ABCC6: variants seen among roughly 807,000 people sequenced by gnomAD.
ABCC6 encodes the protein ATP-binding cassette sub-family C member 6.
A neutral mutation model predicts 169.5 loss-of-function variants in ABCC6; 126 were observed. That is an observed-to-expected ratio of 0.74 (90% CI 0.64 to 0.86). The LOEUF (loss-of-function observed/expected upper bound fraction) is 0.86. Ranked by LOEUF, ABCC6 falls within the 40% of genes least tolerant of loss-of-function variation. ABCC6 has a pLI of 0.00. For synonymous variants in ABCC6, 752 were observed against 814.7 expected (o/e 0.92, Z 1.31); for missense variants, 1,733 against 1,927.2 (o/e 0.90, Z 1.89).
Position 16,187,110 on chromosome 16 carries a change from G to T in ABCC6, c.1867+14C>A. 6.2e-7 allele frequency: 1 copy of T among 1,603,708 alleles called. No homozygotes were observed. Among genetic ancestry groups the T allele is most frequent in the Middle Eastern group, 1.7e-4 (1 of 5,896 alleles). On this transcript the variant is annotated intron_variant, in intron 14 of 30. Coordinates refer to ENST00000205557, the MANE Select transcript of ABCC6 (RefSeq NM_001171.6). ...CATCCCTCCCACACCCCTCCTGCCA[G>T]ACTCAGCACTCACCGCTTCCAGAGG... is the stretch of plus-strand genomic sequence containing the variant.
intron 10 of ABCC6, among the ~76,000 whole-genome samples, chr16:16,194,830 A>G (rs7187235): frequency 0.18 from 27,201 of 151,796 alleles, 4,093 homozygotes; most frequent in East Asian, 0.57. Flanking sequence ...GATTACAGGC[A>G]TGTGTCACTC....
chr16:16,165,585 C>G (rs749729362), intron 23 of ABCC6, 38 bp downstream of exon 23: 11 of 1,611,592 alleles, frequency 6.8e-6, no homozygotes, highest in Non-Finnish European at 9.3e-6. Flanking sequence ...CTGAGTTGAC[C>G]TCAGCCGGTC....
chr16:16,202,731 A>C (rs938395201), intron 8 of ABCC6, among the ~76,000 whole-genome samples: 6 of 152,168 alleles, frequency 3.9e-5, no homozygotes, highest in Non-Finnish European at 8.8e-5. Flanking sequence ...TCGAACTTCC[A>C]GCTTTGAGAA....
intron 18 of ABCC6, 105 bp downstream of exon 18, chr16:16,178,693 G>A: frequency 7.7e-7 from 1 of 1,302,158 alleles, no homozygotes; most frequent in Non-Finnish European, 1.1e-6. Context: ...GAGGAAATTG[G>A]ACTCAAGTGG....
chr16:16,198,868 C>A (rs1052964349), intron 9 of ABCC6, among the ~76,000 whole-genome samples: 8 of 152,038 alleles, frequency 5.3e-5, no homozygotes, highest in Admixed American at 2.6e-4. Context: ...GTGGCAGGCA[C>A]CTGTAATCCC....
At chr16:16,222,549 A>ATT (rs780727081) in intron 1 of ABCC6, among the ~76,000 whole-genome samples, 1 of 146,012 alleles carries the variant, frequency 6.8e-6, no homozygotes, top group African/African-American at 2.5e-5. Context: ...GGCCTGGCTA[A>ATT]TTTTTTTTTT....
At position 16,157,736 on chromosome 16, in the gene ABCC6, A is replaced by G. The variant is rs1308111688; in HGVS notation, c.3809T>C (p.Phe1270Ser). The change falls in exon 27 of 31, where the codon TTT becomes TCT. Residue 1270 changes from phenylalanine to serine, a missense_variant. Phe to Ser is a radical substitution (Grantham distance 155). Around this residue, in one of 5 missense-constraint regions of ABCC6, gnomAD observed 1,601 missense variants for 1,635.5 expected, o/e 0.98. Coordinates refer to ENST00000205557, the MANE Select transcript of ABCC6 (RefSeq NM_001171.6). ...PQGGQIEFRD[F>S]GLRYRPELPL... The stretch of plus-strand genomic sequence containing the variant: ...GAGCTCAGGTCGGTATCTTAGCCCA[A>G]AGTCCCGGAACTCGATCTGCCCGCC... 3 of 1,613,806 alleles carry G rather than the reference A, an allele frequency of 1.9e-6. No homozygotes were observed.
intron 18 of ABCC6, among the ~76,000 whole-genome samples, chr16:16,178,484 A>T (rs1263117665): frequency 6.6e-6 from 1 of 151,970 alleles, no homozygotes; most frequent in Non-Finnish European, 1.5e-5. Context: ...CCAAATAGAG[A>T]AACAGAGGGG....
In ABCC6 at chr16:16,204,088, G is replaced by C. The variant is rs2048324218; in HGVS notation, c.795-475C>G. ...TTTTTTTTTTTTGAGACGAAGTCTT[G>C]CTCTGTCGCCCAGGCTGGAGTGCAG... On this transcript the variant is annotated intron_variant, in intron 7 of 30. Transcript: ENST00000205557. Among the ~76,000 whole-genome samples the C allele has an allele frequency of 3.4e-5, 5 of 148,466 alleles. No individual in the cohort carries two copies. The South Asian group carries it at 1.1e-3, about 32-fold the overall frequency.
intron 11 of ABCC6, among the ~76,000 whole-genome samples, chr16:16,190,884 G>T (rs1316397431): frequency 7.6e-6 from 1 of 131,520 alleles, no homozygotes; most frequent in African/African-American, 2.8e-5. Flanking sequence ...AGCTGGAGAA[G>T]AGGGAGGGGA....
chr16:16,219,310 C>T (rs1384492514), intron 4 of ABCC6, among the ~76,000 whole-genome samples: 1 of 151,904 alleles, frequency 6.6e-6, no homozygotes, highest in Admixed American at 6.6e-5. Context: ...GTGTGTGCAT[C>T]GTGTGCAAGT....
At chr16:16,221,875 G>T (rs1290715432) in intron 1 of ABCC6, 44 bp from the exon 2 acceptor site, 1 of 1,611,924 alleles carries the variant, frequency 6.2e-7, no homozygotes, top group African/African-American at 1.3e-5. Context: ...ACAAGGCAGG[G>T]GTCCCCAGCT....
At chr16:16,179,077 A>C in intron 17 of ABCC6, 112 bp from the exon 18 acceptor site, 3 of 1,202,884 alleles carry the variant, frequency 2.5e-6, no homozygotes, top group Non-Finnish European at 2.4e-6. Flanking sequence ...GGTACAGCTC[A>C]ACATGCCTAT....
chr16:16,206,169 C>T (rs949115654), intron 7 of ABCC6, among the ~76,000 whole-genome samples: 2 of 152,230 alleles, frequency 1.3e-5, no homozygotes, highest in Non-Finnish European at 2.9e-5. Flanking sequence ...GTTTTCCTCT[C>T]CTGCAGGTCT....
At position 16,163,087 on chromosome 16, in the gene ABCC6, G is replaced by A. The variant is rs28939701; in HGVS notation, c.3412C>T (p.Arg1138Trp). The change falls in exon 24 of 31, where the codon CGG becomes TGG. Residue 1138 changes from arginine (R) to tryptophan (W), a missense_variant. By Grantham distance (101) the Arg-to-Trp change is moderately radical (BLOSUM62 -3). This residue lies in a region of ABCC6 where 1,601 missense variants were observed against 1,635.5 expected (regional missense o/e 0.98). Transcript: ENST00000205557. ...AAGGGGGCCTGGGTTCGGAATGCCC[G>A]GACCACTGTGCTGCCCTGGAACGTC... ...AETFQGSTVV[R>W]AFRTQAPFVA... 46 of 1,613,720 alleles carry A rather than the reference G, an allele frequency of 2.9e-5. No homozygotes were observed. The highest frequency in any genetic ancestry group is 8.9e-5 in the East Asian group (4 of 44,892).
At chr16:16,185,124 C>CCCCA in intron 14 of ABCC6, 90 bp from the exon 15 acceptor site, 1 of 1,223,298 alleles carries the variant, frequency 8.2e-7, no homozygotes, top group Admixed American at 1.8e-5. Flanking sequence ...CCCCGCCCCC[C>CCCCA]CCAGGGGCAG....
At chr16:16,195,748 C>T (rs1318127266) in intron 10 of ABCC6, among the ~76,000 whole-genome samples, 1 of 152,130 alleles carries the variant, frequency 6.6e-6, no homozygotes, top group East Asian at 1.9e-4. Flanking sequence ...TGTCTGAGTG[C>T]CTTATGTTGT....
intron 21 of ABCC6, among the ~76,000 whole-genome samples, chr16:16,172,867 A>G (rs2152242558): frequency 6.6e-6 from 1 of 151,816 alleles, no homozygotes; most frequent in South Asian, 2.1e-4. Context: ...ACATGGCAAA[A>G]CCCATCTCTA....
intron 15 of ABCC6, among the ~76,000 whole-genome samples, chr16:16,183,946 A>C (rs2047560681): frequency 6.6e-6 from 1 of 152,020 alleles, no homozygotes; most frequent in South Asian, 2.1e-4. Context: ...CATGCCTGTA[A>C]TCCTAGTCCT....
Sources: allele counts gnomAD v4.1 joint callset (sites outside exome capture counted in the v4.1 genomes callset), GRCh38; gene constraint gnomAD v4.1.1; regional missense constraint gnomAD v4.1.1; transcripts MANE v1.5; gene names NCBI Gene and HGNC (gene_info 2026-07-23, HGNC 2026-07-21).